The following TRAPPC11 variants were observed in gnomAD, a reference collection of about 807,000 sequenced individuals.
TRAPPC11 encodes trafficking protein particle complex subunit 11.
Under a neutral mutation model 151.2 loss-of-function variants are expected in TRAPPC11, and 104 were observed. That is an observed-to-expected ratio of 0.69 (90% CI 0.59 to 0.81). The LOEUF is 0.81. TRAPPC11 is among the 30% of genes least tolerant of loss of function. The pLI, the probability that TRAPPC11 is intolerant of heterozygous loss-of-function variation, is 0.00. For missense variants in TRAPPC11, 1,230 were observed against 1,349.6 expected, an observed-to-expected ratio of 0.91 and a Z score of 1.39; for synonymous variants, 456 against 472.3, an observed-to-expected ratio of 0.97 and a Z score of 0.45.
At chr4:183,680,416 T>C in intron 10 of TRAPPC11, 149 bp downstream of exon 10, 1 of 929,184 alleles carries the variant, frequency 1.1e-6, no homozygotes, top group Non-Finnish European at 1.5e-6. Flanking sequence ...ACATTGATCT[T>C]TGGTTTTAGC....
At chr4:183,699,125 C>T (rs1207044311) in intron 25 of TRAPPC11, among the ~76,000 whole-genome samples, 1 of 152,186 alleles carries the variant, frequency 6.6e-6, no homozygotes, top group Non-Finnish European at 1.5e-5. Flanking sequence ...GCTGCCTCTA[C>T]CCCAGGCTGT....
chr4:183,667,126 C>A lies in TRAPPC11; in HGVS notation c.441C>A (p.Pro147=). Residue 147 remains proline (P), a synonymous_variant, in exon 4 of 30, where the codon CCC becomes CCA. Transcript: ENST00000334690. ...TGATTCAGAAGAAAACCCCTTTGCC[C>A]CCAGGTATCAGAAGTCTAATTAATG... is the stretch of plus-strand genomic sequence containing the variant. ...VVLIQKKTPL[P]PGEDVIASER... is the part of the protein sequence containing the mutation. 6.2e-7 allele frequency: 1 copy of A among 1,601,624 alleles called. No homozygotes were observed. Among genetic ancestry groups the A allele is most frequent in the Non-Finnish European group, 8.5e-7 (1 of 1,171,636 alleles).
chr4:183,667,198 T>C (rs2111304330), intron 4 of TRAPPC11, 68 bp downstream of exon 4: 2 of 1,314,532 alleles, frequency 1.5e-6, no homozygotes, highest in East Asian at 2.3e-5. Context: ...GAGATAGGGG[T>C]TTTTTGGATG....
intron 1 of TRAPPC11, among the ~76,000 whole-genome samples, chr4:183,661,598 C>T (rs541896859): frequency 1.2e-4 from 18 of 151,452 alleles, no homozygotes; most frequent in African/African-American, 4.1e-4. Flanking sequence ...GTCTCGATCT[C>T]CTGACCTTGT....
chr4:183,660,055 A>G (rs1289946676), intron 1 of TRAPPC11, among the ~76,000 whole-genome samples: 1 of 152,108 alleles, frequency 6.6e-6, no homozygotes, highest in Non-Finnish European at 1.5e-5. Context: ...CCTTTCGTGT[A>G]TAGTTTCGTT....
chr4:183,663,098 A>G (rs912299480), intron 1 of TRAPPC11, among the ~76,000 whole-genome samples: 6 of 151,734 alleles, frequency 4.0e-5, no homozygotes, highest in Non-Finnish European at 7.4e-5. Context: ...ACAGAGTCTC[A>G]CTCTGTCACC....
rs149626892 is a variant in TRAPPC11 at position 183,694,625 on chromosome 4, C to T, written c.2530C>T (p.Arg844Cys). The change falls in exon 23 of 30, where the codon CGC becomes TGC. Residue 844 changes from arginine to cysteine, a missense_variant. Coordinates refer to ENST00000334690, the MANE Select transcript of TRAPPC11 (RefSeq NM_021942.6). Reference protein sequence around the residue: ...GEQLEKMLYVRCGTVGSRMFL... With the variant: ...GEQLEKMLYVCCGTVGSRMFL... ...ACAGCTGGAAAAAATGTTGTATGTT[C>T]GCTGTGGAACAGTGGGTTCCAGAAT... is the stretch of plus-strand genomic sequence containing the variant. 2.5e-5 allele frequency: 41 copies of T among 1,612,690 alleles called. No individual in the cohort carries two copies. The highest frequency in any genetic ancestry group is 2.0e-4 in the South Asian group (18 of 90,906).
intron 18 of TRAPPC11, among the ~76,000 whole-genome samples, 172 bp from the exon 19 acceptor site, chr4:183,691,144 G>T (rs1736236942): frequency 6.6e-6 from 1 of 152,188 alleles, no homozygotes; most frequent in Non-Finnish European, 1.5e-5. Flanking sequence ...TTATATTATG[G>T]CAGCAGTAAG....
chr4:183,661,432 C>T (rs191429054), intron 1 of TRAPPC11, among the ~76,000 whole-genome samples: 6,389 of 128,724 alleles, frequency 0.05, 179 homozygotes, highest in Middle Eastern at 0.18. Context: ...AGTGCAGTGG[C>T]GCGATCTCCG....
chr4:183,684,693 G>A lies in TRAPPC11; in HGVS notation c.1422-3G>A, dbSNP rs73872662. 2,551 of 1,613,580 alleles carry A rather than the reference G, an allele frequency of 1.6e-3. 31 individuals carry two copies. The African/African-American group carries it at 0.03, about 19-fold the overall frequency. ...TTCAGTATTACATTTTGTCTTCTTT[G>A]AGGTTGCTGGATTATGTGATGTGTG... On this transcript the variant is annotated splice_polypyrimidine_tract_variant and splice_region_variant and intron_variant, in intron 14 of 29. Coordinates refer to ENST00000334690, the MANE Select transcript of TRAPPC11 (RefSeq NM_021942.6).
chr4:183,691,238 C>G, intron 18 of TRAPPC11, 78 bp from the exon 19 acceptor site: 1 of 1,169,686 alleles, frequency 8.5e-7, no homozygotes, highest in Non-Finnish European at 1.1e-6. Flanking sequence ...TGGAGTTATA[C>G]TAAATGAGCT....
At chr4:183,708,903 A>AT in intron 29 of TRAPPC11, among the ~76,000 whole-genome samples, 1 of 152,238 alleles carries the variant, frequency 6.6e-6, no homozygotes. Context: ...AAATATCCTT[A>AT]AACTTTTCTG....
At position 183,685,165 on chromosome 4, in the gene TRAPPC11, A is replaced by G. The variant is rs1437651967; in HGVS notation, c.1629+20A>G. 6.2e-7 allele frequency: 1 copy of G among 1,613,072 alleles called. No homozygotes were observed. Among genetic ancestry groups the G allele is most frequent in the Non-Finnish European group, 8.5e-7 (1 of 1,179,254 alleles). On this transcript the variant is annotated intron_variant, in intron 16 of 29. Coordinates refer to ENST00000334690, the MANE Select transcript of TRAPPC11 (RefSeq NM_021942.6). ...TTAATGGTAGGTTGGAATTGTTTAT[A>G]TAGAGTGTGTTATTAGGAATATGTG...
chr4:183,694,361 A>G (rs1736420522), intron 22 of TRAPPC11, among the ~76,000 whole-genome samples: 1 of 151,582 alleles, frequency 6.6e-6, no homozygotes, highest in Non-Finnish European at 1.5e-5. Context: ...AAGTTAAAGA[A>G]CAATAATTTC....
At position 183,667,997 on chromosome 4, in the gene TRAPPC11, C is replaced by A; in HGVS notation, c.446-6C>A. On this transcript the variant is annotated splice_region_variant and splice_polypyrimidine_tract_variant and intron_variant, in intron 4 of 29. Coordinates refer to ENST00000334690, the MANE Select transcript of TRAPPC11 (RefSeq NM_021942.6). Reference sequence around the variant, plus strand: ...TCTCATTCATCTTGATGGGGATTATCAACAGGAGAAGATGTCATTGCTTCA... The same window carrying A: ...TCTCATTCATCTTGATGGGGATTATAAACAGGAGAAGATGTCATTGCTTCA... 1 of 1,531,322 alleles carries A rather than the reference C, an allele frequency of 6.5e-7. No individual in the cohort carries two copies. The highest frequency in any genetic ancestry group is 9.0e-7 in the Non-Finnish European group (1 of 1,105,682). 94.9% of individuals were successfully genotyped at this position (1,531,322 alleles called of 1,614,324 possible).
At chr4:183,701,207 A>C (rs1736784429) in intron 25 of TRAPPC11, 1 of 152,740 alleles carries the variant, frequency 6.5e-6, no homozygotes. Context: ...TCAGATTTTG[A>C]AGCATTTTGG....
intron 5 of TRAPPC11, among the ~76,000 whole-genome samples, chr4:183,669,342 T>A (rs1178843544): frequency 1.3e-5 from 2 of 152,134 alleles, no homozygotes; most frequent in Non-Finnish European, 2.9e-5. Context: ...CTCAGGCAGC[T>A]TTTCTTTCCA....
intron 29 of TRAPPC11, among the ~76,000 whole-genome samples, chr4:183,712,295 G>C (rs1737372903): frequency 1.3e-5 from 2 of 152,328 alleles, no homozygotes; most frequent in Non-Finnish European, 1.5e-5. Flanking sequence ...CTGGAACGCA[G>C]GGTTGAGAGA....
At chr4:183,696,295 T>C (rs1404475898) in intron 23 of TRAPPC11, among the ~76,000 whole-genome samples, 1 of 152,254 alleles carries the variant, frequency 6.6e-6, no homozygotes, top group African/African-American at 2.4e-5. Context: ...CATTACAGCC[T>C]GAGCTTTTAA....
Sources: gnomAD v4.1 joint callset for allele counts (sites outside exome capture counted in the v4.1 genomes callset) on GRCh38, gnomAD v4.1.1 for gene constraint, MANE v1.5 for transcripts, NCBI Gene and HGNC (gene_info 2026-07-23, HGNC 2026-07-21) for gene names.